The following KDM7A variants were observed in gnomAD, a reference collection of about 807,000 sequenced individuals.
KDM7A encodes the protein lysine-specific demethylase 7A.
KDM7A carries 28 observed loss-of-function variants against 114.8 expected under a neutral mutation model. That is an observed-to-expected ratio of 0.24 (90% CI 0.18 to 0.33). The LOEUF (loss-of-function observed/expected upper bound fraction) is 0.33, where lower values mean the gene tolerates loss of function less well. Ranked by LOEUF, KDM7A falls within the 10% of genes least tolerant of loss-of-function variation. The pLI is 1.00. For synonymous variants in KDM7A, 423 were observed against 397.8 expected, an observed-to-expected ratio of 1.06 and a Z score of -0.75; for missense variants, 942 against 1,142.5, an observed-to-expected ratio of 0.82 and a Z score of 2.53.
At chr7:140,161,334 A>G (rs1164021197) in intron 1 of KDM7A, among the ~76,000 whole-genome samples, 1 of 152,194 alleles carries the variant, frequency 6.6e-6, no homozygotes, top group Admixed American at 6.5e-5. Context: ...CATTGATGGA[A>G]ACTGGCCAGA....
rs371080498 is a variant in KDM7A, at chr7:140,102,432, G to C, written c.1429-272C>G. ...CTTGTCACCCAGGCTGCAGTGTGTG[G>C]AGTGCAGTGGTGCAATCTTGCCTCA... On this transcript the variant is annotated intron_variant, in intron 11 of 19. Transcript: ENST00000397560. 4.6e-5 allele frequency among the ~76,000 whole-genome samples: 7 copies of C among 151,672 alleles called. No homozygotes were observed. In the East Asian group the frequency reaches 1.4e-3, roughly 29 times the overall value.
intron 1 of KDM7A, among the ~76,000 whole-genome samples, chr7:140,175,593 T>C (rs779560126): frequency 4.2e-4 from 64 of 152,210 alleles, no homozygotes; most frequent in Admixed American, 1.9e-3. Flanking sequence ...TTTGTTTAAA[T>C]GCCTGTGAAT....
rs774137591 is a variant in KDM7A, at chr7:140,130,772, CCACT to C, written c.399-1123_399-1120del. On this transcript the variant is annotated intron_variant, in intron 3 of 19. Coordinates refer to ENST00000397560, the MANE Select transcript of KDM7A (RefSeq NM_030647.2). ...GATGACTAGCATCCCTGGTCCCCACCCACTGAGACAAGTGTCCAAAATGCTCCCA... is the reference window on the plus strand; with the variant it reads ...GATGACTAGCATCCCTGGTCCCCACCGAGACAAGTGTCCAAAATGCTCCCA... Among the ~76,000 whole-genome samples, 9 of 152,032 alleles carry C rather than the reference CCACT, an allele frequency of 5.9e-5. No individual in the cohort carries two copies. The South Asian group carries it at 1.2e-3, about 21-fold the overall frequency.
chr7:140,144,927 C>T (rs1184968341), intron 1 of KDM7A, among the ~76,000 whole-genome samples: 1 of 152,146 alleles, frequency 6.6e-6, no homozygotes, highest in African/African-American at 2.4e-5. Flanking sequence ...ACCATGAGAG[C>T]ACCTACTCCC....
rs79716539 is a variant in KDM7A at position 140,157,264 on chromosome 7, G to A, written c.195-18074C>T. ...TTCTAAAGACATGAATAAAATCGAT[G>A]GATTTTTTTGTCCCACCACTGAGGG... On this transcript the variant is annotated intron_variant, in intron 1 of 19. Coordinates refer to ENST00000397560, the MANE Select transcript of KDM7A (RefSeq NM_030647.2). Among the ~76,000 whole-genome samples the A allele has an allele frequency of 2.7e-3, 406 of 152,282 alleles. 4 individuals are homozygous for A. Among genetic ancestry groups the A allele is most frequent in the African/African-American group, 9.3e-3 (388 of 41,546 alleles).
chr7:140,117,830 G>A (rs115644347), intron 9 of KDM7A, among the ~76,000 whole-genome samples: 9,081 of 152,226 alleles, frequency 0.06, 341 homozygotes, highest in East Asian at 0.13. Flanking sequence ...TCACGATAAG[G>A]ATTCATTTCT....
intron 18 of KDM7A, 41 bp from the exon 19 acceptor site, chr7:140,092,118 T>A (rs1335097177): frequency 1.3e-6 from 2 of 1,597,076 alleles, no homozygotes; most frequent in Non-Finnish European, 1.7e-6. Context: ...TTTTTAGGGT[T>A]TAAATGAGGT....
chr7:140,120,522 G>T lies in KDM7A; in HGVS notation c.1059C>A (p.Ile353=), dbSNP rs755857731. 8.1e-6 allele frequency: 13 copies of T among 1,605,518 alleles called. No homozygotes were observed. The highest frequency in any genetic ancestry group is 8.5e-7 in the Non-Finnish European group (1 of 1,172,388). The change falls in exon 8 of 20, where the codon ATC becomes ATA. Residue 353 remains isoleucine, a synonymous_variant. Coordinates refer to ENST00000397560, the MANE Select transcript of KDM7A (RefSeq NM_030647.2). ...AGTCCTGAGAAGTGAGCACAGCATG[G>T]ATCCACCCTAAAATGGTTGAAAATA... ...GHTLFVPTGW[I]HAVLTSQDCM...
chr7:140,169,524 G>A (rs185091146), intron 1 of KDM7A, among the ~76,000 whole-genome samples: 1 of 152,032 alleles, frequency 6.6e-6, no homozygotes, highest in Non-Finnish European at 1.5e-5. Context: ...AACTAATGGG[G>A]TTTTTTTGTT....
intron 1 of KDM7A, among the ~76,000 whole-genome samples, chr7:140,165,343 A>G (rs181256727): frequency 2.6e-5 from 4 of 152,350 alleles, no homozygotes; most frequent in Admixed American, 1.3e-4. Flanking sequence ...AGCATCCTTA[A>G]GATACAACTT....
chr7:140,175,447 C>T (rs1458100713), intron 1 of KDM7A, among the ~76,000 whole-genome samples: 1 of 152,136 alleles, frequency 6.6e-6, no homozygotes, highest in Non-Finnish European at 1.5e-5. Flanking sequence ...ACCATATCTG[C>T]TATTACTCGT....
At chr7:140,147,308 A>C (rs775007449) in intron 1 of KDM7A, among the ~76,000 whole-genome samples, 3 of 152,208 alleles carry the variant, frequency 2.0e-5, no homozygotes, top group Non-Finnish European at 4.4e-5. Context: ...ACTGTGCTGC[A>C]AACTTACTTG....
At chr7:140,171,861 C>A (rs1231293612) in intron 1 of KDM7A, among the ~76,000 whole-genome samples, 2 of 151,854 alleles carry the variant, frequency 1.3e-5, no homozygotes, top group African/African-American at 4.8e-5. Flanking sequence ...ATAGTGTATT[C>A]TTTTTTACAG....
At chr7:140,102,965 A>G (rs1374748691) in intron 11 of KDM7A, among the ~76,000 whole-genome samples, 1 of 152,190 alleles carries the variant, frequency 6.6e-6, no homozygotes, top group East Asian at 1.9e-4. Flanking sequence ...CTGTGGTAAC[A>G]TAAACATAAA....
At chr7:140,094,209 T>G (rs12375063) in intron 17 of KDM7A, 71 bp from the exon 18 acceptor site, 238,931 of 951,038 alleles carry the variant, frequency 0.25, 33,359 homozygotes, top group Middle Eastern at 0.38. Flanking sequence ...GCCTAATGCT[T>G]AAAAATGAAA....
chr7:140,176,604 G>C lies in KDM7A; in HGVS notation c.194+140C>G. ...GCACCGCGCGCCCCACTGCCCGGCC[G>C]GGGGGCTAGGCACCGGGGCCCCCTG... On this transcript the variant is annotated intron_variant, in intron 1 of 19. Transcript: ENST00000397560. The surrounding 1 kb of genome is among the most constrained non-coding windows in gnomAD (Gnocchi z 4.4). 1.9e-6 allele frequency: 1 copy of C among 513,450 alleles called. No homozygotes were observed. The highest frequency in any genetic ancestry group is 7.7e-5 in the South Asian group (1 of 12,918). 31.8% of individuals were successfully genotyped at this position (513,450 alleles called of 1,614,324 possible).
chr7:140,100,137 GCAGCC>G, intron 12 of KDM7A, 114 bp from the exon 13 acceptor site: 2 of 1,090,882 alleles, frequency 1.8e-6, no homozygotes, highest in African/African-American at 1.5e-5. Context: ...AAAGATACAG[GCAGCC>G]ACCTGGGCTT....
In KDM7A at chr7:140,173,000, A is replaced by T. The variant is rs188755506; in HGVS notation, c.194+3744T>A. On this transcript the variant is annotated intron_variant, in intron 1 of 19. Coordinates refer to ENST00000397560, the MANE Select transcript of KDM7A (RefSeq NM_030647.2). Reference sequence around the variant, plus strand: ...CTAAAAAATGCGATTAAAGACTAATAAACGGTGTTTACATTCTAACAGGAA... The same window carrying T: ...CTAAAAAATGCGATTAAAGACTAATTAACGGTGTTTACATTCTAACAGGAA... 5.9e-5 allele frequency among the ~76,000 whole-genome samples: 9 copies of T among 152,340 alleles called. No homozygotes were observed. The East Asian group carries it at 1.7e-3, about 29-fold the overall frequency.
At position 140,102,072 on chromosome 7, in the gene KDM7A, T is replaced by TGGTATG; in HGVS notation, c.1511_1516dup (p.Pro504_Tyr505dup). The stretch of plus-strand genomic sequence containing the variant: ...AAGTTTCCTCATCTTTCTTCGGGAA[T>TGGTATG]GGTATGGGGAAGTTGCTTCATTTGA... On this transcript the variant is annotated inframe_insertion, in exon 12 of 20. Coordinates refer to ENST00000397560, the MANE Select transcript of KDM7A (RefSeq NM_030647.2). 1.2e-6 allele frequency: 2 copies of TGGTATG among 1,613,560 alleles called. No homozygotes were observed. The highest frequency in any genetic ancestry group is 1.7e-6 in the Non-Finnish European group (2 of 1,179,480).
Sources: allele counts gnomAD v4.1 joint callset (sites outside exome capture counted in the v4.1 genomes callset), GRCh38; gene constraint gnomAD v4.1.1; non-coding constraint Gnocchi (gnomAD v3.1); transcripts MANE v1.5; gene names NCBI Gene and HGNC (gene_info 2026-07-23, HGNC 2026-07-21).